Variants in PHC2 observed in about 807,000 individuals in gnomAD.
The protein encoded by PHC2 is polyhomeotic-like protein 2.
Under a neutral mutation model 87.4 loss-of-function variants are expected in PHC2, and 29 were observed. That is an observed-to-expected ratio of 0.33 (90% CI 0.25 to 0.45). The LOEUF is 0.45. Ranked by LOEUF, PHC2 falls within the 20% of genes least tolerant of loss-of-function variation. PHC2 has a pLI of 1.00. For missense variants in PHC2, 857 were observed against 1,136.7 expected, an observed-to-expected ratio of 0.75 and a Z score of 3.54; for synonymous variants, 438 against 461.7, an observed-to-expected ratio of 0.95 and a Z score of 0.66.
At position 33,354,415 on chromosome 1, in the gene PHC2, G is replaced by A. The variant is rs143148806; in HGVS notation, c.1544C>T (p.Pro515Leu). The part of the protein sequence containing the change: ...LPVPTSPNIQ[P>L]SPAHETGQGI... ...GTGCTTCATACCGTGAGCTGGGGACGGCTGGATGTTAGGGCTCGTGGGTAC... is the reference window on the plus strand; with the variant it reads ...GTGCTTCATACCGTGAGCTGGGGACAGCTGGATGTTAGGGCTCGTGGGTAC... Residue 515 changes from proline (P) to leucine (L), a missense_variant, in exon 9 of 15, where the codon CCG (proline) becomes CTG (leucine). Physicochemically the swap from Pro to Leu is moderately conservative, Grantham distance 98. Transcript: ENST00000683057. The A allele has an allele frequency of 1.7e-4, 272 of 1,613,280 alleles. No individual in the cohort carries two copies. The African/African-American group carries it at 3.3e-3, about 20-fold the overall frequency.
At chr1:33,351,304 T>C (rs535468422) in intron 9 of PHC2, among the ~76,000 whole-genome samples, 1 of 152,346 alleles carries the variant, frequency 6.6e-6, no homozygotes, top group Non-Finnish European at 1.5e-5. Context: ...AAAAAAAATT[T>C]AAAATGTAGA....
intron 1 of PHC2, among the ~76,000 whole-genome samples, chr1:33,378,559 A>T (rs1648297861): frequency 6.6e-6 from 1 of 152,232 alleles, no homozygotes; most frequent in Non-Finnish European, 1.5e-5. Flanking sequence ...CAGAAAATTA[A>T]GAGGGTAGAA....
intron 1 of PHC2, among the ~76,000 whole-genome samples, chr1:33,414,608 A>T (rs1272726850): frequency 6.6e-6 from 1 of 152,194 alleles, no homozygotes; most frequent in African/African-American, 2.4e-5. Context: ...ATCTGCAGTA[A>T]ATCACACTCT....
rs1435212523 is a variant in PHC2 at position 33,367,141 on chromosome 1, C to T, written c.951G>A (p.Val317=). 1 of 1,609,266 alleles carries T rather than the reference C, an allele frequency of 6.2e-7. No homozygotes were observed. Among genetic ancestry groups the T allele is most frequent in the East Asian group, 2.2e-5 (1 of 44,738 alleles). The change falls in exon 7 of 15, where the codon GTG becomes GTA. Residue 317 remains valine (V), a synonymous_variant. Transcript: ENST00000683057. ...CTGGTGCAATGAGGGGGTGGGCAGC[C>T]ACAGCAGGAACCGTCCGGCTGAGCC... The part of the protein sequence containing the change: ...RAGLSRTVPA[V]AAHPLIAPAY...
rs7535051 is a variant in PHC2 at position 33,364,410 on chromosome 1, A to G, written c.976+2706T>C. ...TGCTTTCACACACACACACACACAC[A>G]CACACACACACACACGCTCAAGCAC... On this transcript the variant is annotated intron_variant, in intron 7 of 14. Transcript: ENST00000683057. This position sits in a 1 kb window ranked among gnomAD's most constrained non-coding sequence, Gnocchi z 4.1. Among the ~76,000 whole-genome samples the G allele has an allele frequency of 6.1e-3, 917 of 150,024 alleles. 9 individuals are homozygous for G. Among genetic ancestry groups the G allele is most frequent in the African/African-American group, 0.019 (764 of 40,648 alleles).
At chr1:33,398,696 C>A (rs1178422649) in intron 1 of PHC2, among the ~76,000 whole-genome samples, 1 of 152,172 alleles carries the variant, frequency 6.6e-6, no homozygotes, top group Non-Finnish European at 1.5e-5. Context: ...CATTGAAGTA[C>A]CTGCTGAACG....
intron 1 of PHC2, among the ~76,000 whole-genome samples, chr1:33,393,463 G>GTTTTTTTTTTTTTTTTTTTTTTTTTTT (rs36030279): frequency 3.1e-5 from 4 of 131,046 alleles, no homozygotes; most frequent in Non-Finnish European, 4.7e-5. Flanking sequence ...TTTTCAAGAG[G>GTTTTTTTTTTTTTTTTTTTTTTTTTTT]TTTTTTTTTT....
rs867617053 is a variant in PHC2, at chr1:33,364,416, A to G, written c.976+2700T>C. On this transcript the variant is annotated intron_variant, in intron 7 of 14. Coordinates refer to ENST00000683057, the MANE Select transcript of PHC2 (RefSeq NM_001385109.1). The surrounding 1 kb of genome is among the most constrained non-coding windows in gnomAD (Gnocchi z 4.1). ...CACACACACACACACACACACACAC[A>G]CACACACACGCTCAAGCACGCTCTT... 7.1e-6 allele frequency among the ~76,000 whole-genome samples: 1 copy of G among 141,616 alleles called. No individual in the cohort carries two copies. The highest frequency in any genetic ancestry group is 2.7e-5 in the African/African-American group (1 of 36,736). 92.9% of individuals were successfully genotyped at this position (141,616 alleles called of 152,430 possible).
intron 1 of PHC2, among the ~76,000 whole-genome samples, chr1:33,399,328 G>C (rs74742387): frequency 1.4e-5 from 2 of 145,792 alleles, no homozygotes; most frequent in African/African-American, 4.9e-5. Context: ...TATTACTTTG[G>C]ACACTGAGCT....
At chr1:33,395,667 A>G (rs905242001) in intron 1 of PHC2, among the ~76,000 whole-genome samples, 2 of 152,198 alleles carry the variant, frequency 1.3e-5, no homozygotes, top group African/African-American at 4.8e-5. Flanking sequence ...GATACATGTG[A>G]CATTCACTGT....
At chr1:33,353,795 G>T (rs147596520) in intron 9 of PHC2, among the ~76,000 whole-genome samples, 1 of 152,174 alleles carries the variant, frequency 6.6e-6, no homozygotes, top group Non-Finnish European at 1.5e-5. Flanking sequence ...TGCAGAAGGC[G>T]GAGGTACTGC....
rs537208300 is a variant in PHC2 at position 33,376,395 on chromosome 1, A to C, written c.-54-802T>G. 2.2e-4 allele frequency among the ~76,000 whole-genome samples: 33 copies of C among 152,346 alleles called. No homozygotes were observed. The South Asian group carries it at 5.4e-3, about 25-fold the overall frequency. ...CAGAAGGACAGGGCAGACTTGGTTC[A>C]CTAGGTGAGATTTGAGATCAGGTCT... On this transcript the variant is annotated intron_variant, in intron 1 of 14. Coordinates refer to ENST00000683057, the MANE Select transcript of PHC2 (RefSeq NM_001385109.1).
chr1:33,426,877 G>T (rs2148411573), intron 1 of PHC2, among the ~76,000 whole-genome samples: 1 of 152,258 alleles, frequency 6.6e-6, no homozygotes, highest in Middle Eastern at 3.4e-3. Flanking sequence ...AATTTGTGGG[G>T]CCTGGTGCAA....
At chr1:33,350,204 GACTA>G (rs1428076580) in intron 9 of PHC2, 2 of 152,168 alleles carry the variant, frequency 1.3e-5, no homozygotes, top group Non-Finnish European at 2.9e-5. Flanking sequence ...TCAGTCAGAA[GACTA>G]ACGACCACCA....
chr1:33,363,715 G>A (rs1390974926), intron 7 of PHC2: 1 of 981,696 alleles, frequency 1.0e-6, no homozygotes, highest in Non-Finnish European at 1.2e-6. Context: ...ATCCCTCCCA[G>A]TCAGCAACTT....
intron 1 of PHC2, among the ~76,000 whole-genome samples, chr1:33,405,496 C>T (rs1458254447): frequency 6.6e-6 from 1 of 152,092 alleles, no homozygotes; most frequent in African/African-American, 2.4e-5. Flanking sequence ...CGGCAGCAGT[C>T]TTATCAGTCT....
chr1:33,411,454 T>C (rs968463398), intron 1 of PHC2, among the ~76,000 whole-genome samples: 2 of 149,092 alleles, frequency 1.3e-5, no homozygotes, highest in African/African-American at 4.9e-5. Flanking sequence ...CTGTTTTTTG[T>C]TGTTGTTGTT....
At chr1:33,363,603 G>T in intron 7 of PHC2, 1 of 211,174 alleles carries the variant, frequency 4.7e-6, no homozygotes, top group Non-Finnish European at 8.2e-6. Context: ...GAGACCTGAG[G>T]CGGGCTGAGG....
At position 33,365,566 on chromosome 1, in the gene PHC2, A is replaced by G. The variant is rs193158579; in HGVS notation, c.976+1550T>C. 3.1e-3 allele frequency among the ~76,000 whole-genome samples: 465 copies of G among 152,220 alleles called. 1 individual carries two copies. The highest frequency in any genetic ancestry group is 0.01 in the African/African-American group (434 of 41,538). On this transcript the variant is annotated intron_variant, in intron 7 of 14. Transcript: ENST00000683057. ...AGTCCAAGCTGCTTTCAACGCATTG[A>G]AAGAGCCCCCAGTCTACCCTTCTGA...
Sources: gnomAD v4.1 joint callset for allele counts (sites outside exome capture counted in the v4.1 genomes callset) on GRCh38, gnomAD v4.1.1 for gene constraint, Gnocchi (gnomAD v3.1) non-coding constraint, MANE v1.5 for transcripts, NCBI Gene and HGNC (gene_info 2026-07-23, HGNC 2026-07-21) for gene names.